The following SKIC8 variants were observed in gnomAD, a reference collection of about 807,000 sequenced individuals.
SKIC8 encodes the protein SKI8 subunit of superkiller complex.
chr15:78,299,090 A>C, the SKIC8 span, among the ~76,000 whole-genome samples: 2 of 152,186 alleles, frequency 1.3e-5, no homozygotes, highest in Non-Finnish European at 2.9e-5. Context: ...AGATGCCTCT[A>C]TGAAACTACT....
chr15:78,292,888 A>G, the SKIC8 span: 2 of 1,334,554 alleles, frequency 1.5e-6, no homozygotes, highest in Non-Finnish European at 1.0e-6. Flanking sequence ...CCAATGGTCT[A>G]TGAAATACAG....
the SKIC8 span, among the ~76,000 whole-genome samples, chr15:78,296,322 C>T: frequency 6.6e-6 from 1 of 152,104 alleles, no homozygotes; most frequent in African/African-American, 2.4e-5. Flanking sequence ...AGGAGAATCA[C>T]TTGAACCTAG....
chr15:78,294,936 G>C, the SKIC8 span: 1 of 1,614,066 alleles, frequency 6.2e-7, no homozygotes, highest in Non-Finnish European at 8.5e-7. Context: ...TAAACAGGCA[G>C]GCTACTTACC....
chr15:78,283,531 T>TA, the SKIC8 span: 9 of 1,589,178 alleles, frequency 5.7e-6, no homozygotes, highest in East Asian at 2.2e-5. Context: ...CCTGTAAATT[T>TA]AAAAAAAGAT....
At chr15:78,294,774 TG>T in the SKIC8 span, 6 of 574,100 alleles carry the variant, frequency 1.0e-5, no homozygotes, top group South Asian at 5.7e-5. Context: ...AGGTTTTTGT[TG>T]TTGTTGTTGT....
the SKIC8 span, chr15:78,291,159 G>A: frequency 8.5e-5 from 13 of 152,282 alleles, no homozygotes; most frequent in African/African-American, 3.1e-4. Context: ...AAAAGGTACT[G>A]TTTATCAGAG....
At chr15:78,296,927 A>G in the SKIC8 span, among the ~76,000 whole-genome samples, 1 of 152,212 alleles carries the variant, frequency 6.6e-6, no homozygotes, top group Non-Finnish European at 1.5e-5. Flanking sequence ...ACACAGAACC[A>G]CTGTTCCTTG....
the SKIC8 span, chr15:78,285,846 T>C: frequency 2.0e-6 from 1 of 505,234 alleles, no homozygotes; most frequent in African/African-American, 1.9e-5. Flanking sequence ...TTTTACTGTT[T>C]AAAAGGATTA....
At chr15:78,286,448 A>C in the SKIC8 span, 8 of 235,576 alleles carry the variant, frequency 3.4e-5, no homozygotes, top group Non-Finnish European at 6.6e-5. Flanking sequence ...CCAACCCCTC[A>C]GATGAGGAAA....
the SKIC8 span, among the ~76,000 whole-genome samples, chr15:78,296,425 TA>T: frequency 3.0e-3 from 430 of 143,830 alleles, 1 homozygote; most frequent in South Asian, 9.3e-3. Flanking sequence ...AAATAAAAAA[TA>T]AAAAAAAAAG....
chr15:78,285,337 G>A, the SKIC8 span: 2 of 1,614,070 alleles, frequency 1.2e-6, no homozygotes, highest in East Asian at 2.2e-5. Context: ...TTTGTCAGAC[G>A]AACTATTTTA....
At chr15:78,298,257 G>A in the SKIC8 span, among the ~76,000 whole-genome samples, 2 of 152,148 alleles carry the variant, frequency 1.3e-5, no homozygotes, top group Admixed American at 6.5e-5. Context: ...GAAGGCTTGC[G>A]GTAAGCCAGC....
chr15:78,286,219 C>G, the SKIC8 span: 1 of 1,194,140 alleles, frequency 8.4e-7, no homozygotes, highest in East Asian at 2.5e-5. Flanking sequence ...TTAACTCTGC[C>G]AATAAGCTGG....
At chr15:78,292,749 T>A in the SKIC8 span, 1 of 1,614,096 alleles carries the variant, frequency 6.2e-7, no homozygotes. Context: ...CCAGCTGATG[T>A]CCCTCCAGAC....
At chr15:78,285,735 C>A in the SKIC8 span, 1 of 421,708 alleles carries the variant, frequency 2.4e-6, no homozygotes, top group East Asian at 3.7e-5. Flanking sequence ...CTATAAACAA[C>A]ATTTTACAAA....
At chr15:78,285,696 G>A in the SKIC8 span, 1 of 426,408 alleles carries the variant, frequency 2.3e-6, no homozygotes, top group Non-Finnish European at 4.2e-6. Context: ...AACTGTCTTG[G>A]CCATCCCAGG....
the SKIC8 span, chr15:78,293,254 C>A: frequency 6.2e-7 from 1 of 1,613,936 alleles, no homozygotes; most frequent in East Asian, 2.2e-5. Flanking sequence ...AGCAACTGAC[C>A]AAATGGCATC....
chr15:78,298,269 T>C, the SKIC8 span, among the ~76,000 whole-genome samples: 1 of 152,176 alleles, frequency 6.6e-6, no homozygotes, highest in South Asian at 2.1e-4. Flanking sequence ...TAAGCCAGCT[T>C]CCAAAAACCC....
the SKIC8 span, chr15:78,283,264 A>G: frequency 5.5e-5 from 31 of 562,746 alleles, no homozygotes; most frequent in East Asian, 8.4e-4. Flanking sequence ...ATGTTAAAGT[A>G]TGAACAGCAT....
Sources: allele counts gnomAD v4.1 joint callset (sites outside exome capture counted in the v4.1 genomes callset), GRCh38; gene constraint gnomAD v4.1.1; transcripts MANE v1.5; gene names NCBI Gene and HGNC (gene_info 2026-07-23, HGNC 2026-07-21).